PRPF19: variants seen among roughly 807,000 people sequenced by gnomAD.
PRPF19 encodes pre-mRNA-processing factor 19.
Under a neutral mutation model 64.2 loss-of-function variants are expected in PRPF19, and 2 were observed. That is an observed-to-expected ratio of 0.03 (90% CI 0.01 to 0.10). PRPF19 has a LOEUF of 0.10. Among genes scored for constraint, PRPF19 ranks in the 10% least tolerant of loss-of-function variants. The probability of loss-of-function intolerance (pLI) is 1.00; values close to 1 mark genes in which losing one functional copy is unlikely to be tolerated. For synonymous variants in PRPF19, 226 were observed against 251.6 expected (o/e 0.90, Z 0.96); for missense variants, 314 against 650.0 (o/e 0.48, Z 5.62).
chr11:60,901,681 TC>T, intron 6 of PRPF19, 141 bp from the exon 7 acceptor site: 1 of 930,724 alleles, frequency 1.1e-6, no homozygotes, highest in Non-Finnish European at 1.6e-6. Context: ...TTAAAGGCAT[TC>T]TCTCTTCTTA....
chr11:60,891,736 T>A (rs1426733910), intron 15 of PRPF19, among the ~76,000 whole-genome samples: 1 of 152,170 alleles, frequency 6.6e-6, no homozygotes, highest in Non-Finnish European at 1.5e-5. Flanking sequence ...TTCATGAACA[T>A]CTGGCCAAAT....
At chr11:60,894,851 C>T (rs1174464861) in intron 15 of PRPF19, among the ~76,000 whole-genome samples, 2 of 152,214 alleles carry the variant, frequency 1.3e-5, no homozygotes, top group African/African-American at 4.8e-5. Flanking sequence ...GAAACATCTC[C>T]ATCTGAGCTT....
At chr11:60,903,613 A>T in intron 2 of PRPF19, 78 bp from the exon 3 acceptor site, 1 of 1,591,168 alleles carries the variant, frequency 6.3e-7, no homozygotes, top group Non-Finnish European at 8.6e-7. Flanking sequence ...TTTTAGCCAT[A>T]AACAGCCCAC....
chr11:60,896,941 A>T (rs1855928904), intron 15 of PRPF19, among the ~76,000 whole-genome samples: 1 of 152,250 alleles, frequency 6.6e-6, no homozygotes, highest in African/African-American at 2.4e-5. Context: ...TTACAAAAGA[A>T]TCCATTTTTT....
chr11:60,899,446 C>T, intron 10 of PRPF19, 142 bp from the exon 11 acceptor site: 2 of 880,784 alleles, frequency 2.3e-6, no homozygotes, highest in Non-Finnish European at 3.5e-6. Flanking sequence ...ACCACCTATC[C>T]ACCCAATGGT....
intron 15 of PRPF19, among the ~76,000 whole-genome samples, chr11:60,897,363 T>C (rs934983435): frequency 6.6e-6 from 1 of 152,246 alleles, no homozygotes; most frequent in Non-Finnish European, 1.5e-5. Context: ...ACCATTTAGA[T>C]ATATGTAAGT....
chr11:60,901,581 A>C, intron 6 of PRPF19, 41 bp from the exon 7 acceptor site: 1 of 1,611,236 alleles, frequency 6.2e-7, no homozygotes, highest in South Asian at 1.1e-5. Context: ...ATCATCTTGC[A>C]AGGAGAAAAG....
chr11:60,894,910 G>C (rs1209873429), intron 15 of PRPF19, among the ~76,000 whole-genome samples: 1 of 152,178 alleles, frequency 6.6e-6, no homozygotes, highest in Non-Finnish European at 1.5e-5. Context: ...CTATTTTTCT[G>C]AACAGTACCT....
chr11:60,906,487 C>T lies in PRPF19; in HGVS notation c.-105G>A. 1 of 1,298,068 alleles carries T rather than the reference C, an allele frequency of 7.7e-7. No homozygotes were observed. The allele number at this position is 1,298,068 out of a possible 1,614,324, so 80.4% of individuals were successfully genotyped here. On this transcript the variant is annotated 5_prime_UTR_variant, in exon 1 of 16. Transcript: ENST00000227524. ...CCCCGCTGCTGCCGGGACTGCTCCG[C>T]GGCGAGCTGGGAGCCGCCAGCCGAG...
chr11:60,897,790 T>C (rs1855937739), intron 15 of PRPF19, 56 bp downstream of exon 15: 2 of 1,472,044 alleles, frequency 1.4e-6, no homozygotes, highest in South Asian at 2.4e-5. Context: ...CCAGTGAGGC[T>C]TCCCTCCGGG....
chr11:60,902,385 G>A lies in PRPF19; in HGVS notation c.525+18C>T. The A allele has an allele frequency of 1.2e-6, 2 of 1,611,070 alleles. No individual in the cohort carries two copies. The highest frequency in any genetic ancestry group is 1.7e-6 in the Non-Finnish European group (2 of 1,177,700). ...TAAGGGCCCATCAGCACTCCCACCA[G>A]GTGAGAGCAGGACTTACCTTCTGAA... On this transcript the variant is annotated intron_variant, in intron 6 of 15. Coordinates refer to ENST00000227524, the MANE Select transcript of PRPF19 (RefSeq NM_014502.5). This position sits in a 1 kb window ranked among gnomAD's most constrained non-coding sequence, Gnocchi z 5.0.
At chr11:60,891,348 A>G (rs1006766786) in intron 15 of PRPF19, 85 bp from the exon 16 acceptor site, 2 of 1,012,862 alleles carry the variant, frequency 2.0e-6, no homozygotes, top group African/African-American at 3.2e-5. Flanking sequence ...ATTCCCAAAC[A>G]ACCAGGCCTT....
Position 60,898,510 on chromosome 11 carries a change from G to T in PRPF19, c.1140+31C>A. The stretch of plus-strand genomic sequence containing the variant: ...TGTCACAAACACTCCCTCTGGCCCT[G>T]GGCCTCAGATGGAGGCCTACCATGT... On this transcript the variant is annotated intron_variant, in intron 13 of 15. Coordinates refer to ENST00000227524, the MANE Select transcript of PRPF19 (RefSeq NM_014502.5). The surrounding 1 kb of genome is among the most constrained non-coding windows in gnomAD (Gnocchi z 4.6). 6.2e-7 allele frequency: 1 copy of T among 1,613,854 alleles called. No homozygotes were observed. The highest frequency in any genetic ancestry group is 8.5e-7 in the Non-Finnish European group (1 of 1,179,980).
At chr11:60,906,149 G>A (rs1254486900) in intron 1 of PRPF19, among the ~76,000 whole-genome samples, 2 of 152,212 alleles carry the variant, frequency 1.3e-5, no homozygotes, top group Non-Finnish European at 2.9e-5. Flanking sequence ...TAATGTCTGC[G>A]ACAATAAACC....
At chr11:60,896,105 C>A (rs1319612020) in intron 15 of PRPF19, among the ~76,000 whole-genome samples, 2 of 151,994 alleles carry the variant, frequency 1.3e-5, no homozygotes, top group African/African-American at 4.8e-5. Flanking sequence ...GCAAGGTTGC[C>A]AAAAACCTTC....
intron 1 of PRPF19, among the ~76,000 whole-genome samples, chr11:60,904,610 A>C (rs1190238251): frequency 6.6e-6 from 1 of 152,180 alleles, no homozygotes; most frequent in Non-Finnish European, 1.5e-5. Flanking sequence ...CAATTGTGGG[A>C]AACACTTATG....
At chr11:60,903,014 G>C (rs777500779) in intron 3 of PRPF19, 133 bp from the exon 4 acceptor site, 2 of 1,406,406 alleles carry the variant, frequency 1.4e-6, no homozygotes, top group Non-Finnish European at 1.9e-6. Flanking sequence ...AACAATATCC[G>C]AGCAAACACG....
chr11:60,901,534 C>T lies in PRPF19; in HGVS notation c.532G>A (p.Asp178Asn). The T allele has an allele frequency of 6.2e-7, 1 of 1,614,172 alleles. No homozygotes were observed. The highest frequency in any genetic ancestry group is 8.5e-7 in the Non-Finnish European group (1 of 1,180,038). The change falls in exon 7 of 16, where the codon GAC (aspartate) becomes AAC (asparagine). Residue 178 changes from aspartate to asparagine, a missense_variant. Physicochemically the swap from Asp to Asn is conservative, Grantham distance 23. This residue lies in a region of PRPF19 where 175 missense variants were observed against 342.9 expected (regional missense o/e 0.51). Coordinates refer to ENST00000227524, the MANE Select transcript of PRPF19 (RefSeq NM_014502.5). ...MTPEIIQKLQ[D>N]KATVLTTERK... ...TCCGTGGTTAGCACAGTGGCTTTGTCTTGAAGCTGGGGAAGAACAGGCTCA... is the reference window on the plus strand; with the variant it reads ...TCCGTGGTTAGCACAGTGGCTTTGTTTTGAAGCTGGGGAAGAACAGGCTCA...
chr11:60,900,586 G>C lies in PRPF19; in HGVS notation c.824C>G (p.Ser275Cys). The C allele has an allele frequency of 6.5e-7, 1 of 1,550,108 alleles. No homozygotes were observed. Among genetic ancestry groups the C allele is most frequent in the African/African-American group, 1.4e-5 (1 of 73,156 alleles). Reference protein sequence around the residue: ...KKVTSVVFHPSQDLVFSASPD... With the variant: ...KKVTSVVFHPCQDLVFSASPD... ...GTGGCGAGGAGAACCCCTTACCTGGGAAGGGTGAAACACCACGCTGGTGAC... is the reference window on the plus strand; with the variant it reads ...GTGGCGAGGAGAACCCCTTACCTGGCAAGGGTGAAACACCACGCTGGTGAC... The change falls in exon 10 of 16, where the codon TCC (serine) becomes TGC (cysteine). Residue 275 changes from serine to cysteine, a missense_variant. Transcript: ENST00000227524.
Sources: gnomAD v4.1 joint callset for allele counts (sites outside exome capture counted in the v4.1 genomes callset) on GRCh38, gnomAD v4.1.1 for gene constraint, gnomAD v4.1.1 regional missense constraint, Gnocchi (gnomAD v3.1) non-coding constraint, MANE v1.5 for transcripts, NCBI Gene and HGNC (gene_info 2026-07-23, HGNC 2026-07-21) for gene names.